Variants in GAS7 observed in about 807,000 individuals in gnomAD.
GAS7 encodes growth arrest-specific protein 7.
A neutral mutation model predicts 71.1 loss-of-function variants in GAS7; 28 were observed. That is an observed-to-expected ratio of 0.39 (90% CI 0.29 to 0.54). The LOEUF is 0.54. GAS7 is among the 20% of genes least tolerant of loss of function. The pLI is 0.62. For synonymous variants in GAS7, 258 were observed against 245.8 expected (o/e 1.05, Z -0.46); for missense variants, 436 against 627.8 (o/e 0.69, Z 3.27).
chr17:9,940,676 C>T (rs949198691), intron 7 of GAS7, among the ~76,000 whole-genome samples: 1 of 152,198 alleles, frequency 6.6e-6, no homozygotes, highest in African/African-American at 2.4e-5. Context: ...TCTCACACCC[C>T]CAATGCCTCT....
intron 1 of GAS7, among the ~76,000 whole-genome samples, chr17:10,069,540 A>C (rs2073318424): frequency 6.6e-6 from 1 of 152,236 alleles, no homozygotes; most frequent in African/African-American, 2.4e-5. Context: ...CTCATTTAAT[A>C]TTAATGTTTT....
chr17:10,049,085 T>C (rs2073024646), intron 1 of GAS7, among the ~76,000 whole-genome samples: 1 of 152,206 alleles, frequency 6.6e-6, no homozygotes, highest in Non-Finnish European at 1.5e-5. Context: ...TCCAGGCGCA[T>C]ACCAACAATG....
At chr17:9,992,191 G>A (rs1307281582) in intron 2 of GAS7, among the ~76,000 whole-genome samples, 1 of 152,190 alleles carries the variant, frequency 6.6e-6, no homozygotes, top group Non-Finnish European at 1.5e-5. Context: ...AAAAGCCCCA[G>A]GGAGTGGGTT....
Position 9,919,600 on chromosome 17 carries a change from A to G in GAS7, c.1218+26T>C. The stretch of plus-strand genomic sequence containing the variant: ...GCTCTGTGTCAGCCTCTGTACTGCC[A>G]TGTCCACACATCCCTGCCCGCTTAC... On this transcript the variant is annotated intron_variant, in intron 12 of 13. Transcript: ENST00000432992. The surrounding 1 kb of genome is among the most constrained non-coding windows in gnomAD (Gnocchi z 5.0). 6.5e-7 allele frequency: 1 copy of G among 1,545,600 alleles called. No individual in the cohort carries two copies. Among genetic ancestry groups the G allele is most frequent in the Non-Finnish European group, 8.9e-7 (1 of 1,117,390 alleles).
At chr17:10,115,677 T>A (rs1235274244) in intron 1 of GAS7, among the ~76,000 whole-genome samples, 1 of 152,146 alleles carries the variant, frequency 6.6e-6, no homozygotes, top group Non-Finnish European at 1.5e-5. Context: ...TTTCTTCCTT[T>A]CCTTTTTCCA....
intron 1 of GAS7, among the ~76,000 whole-genome samples, chr17:10,173,044 TG>T (rs1260980233): frequency 2.0e-5 from 3 of 152,216 alleles, no homozygotes; most frequent in Non-Finnish European, 2.9e-5. Context: ...AAATGAACCC[TG>T]AAGACATCAT....
chr17:10,064,101 G>A (rs760323474), intron 1 of GAS7, among the ~76,000 whole-genome samples: 2 of 152,158 alleles, frequency 1.3e-5, no homozygotes, highest in Non-Finnish European at 2.9e-5. Context: ...TTGTAAACAC[G>A]AAGTCCCAGC....
At chr17:9,925,209 G>C (rs952397770) in intron 11 of GAS7, among the ~76,000 whole-genome samples, 1 of 152,144 alleles carries the variant, frequency 6.6e-6, no homozygotes, top group Admixed American at 6.5e-5. Context: ...CGACCAGGGA[G>C]AGAGTAAGGA....
At chr17:10,064,010 T>C (rs746198085) in intron 1 of GAS7, among the ~76,000 whole-genome samples, 4 of 152,164 alleles carry the variant, frequency 2.6e-5, no homozygotes, top group Non-Finnish European at 5.9e-5. Flanking sequence ...CCCTTTTCCA[T>C]TTCCCAACAT....
intron 9 of GAS7, among the ~76,000 whole-genome samples, chr17:9,931,184 C>T (rs1375763107): frequency 6.6e-6 from 1 of 152,224 alleles, no homozygotes; most frequent in Non-Finnish European, 1.5e-5. Flanking sequence ...TGTGACTGAA[C>T]CCACCTGGCT....
chr17:10,182,304 C>T lies in GAS7; in HGVS notation c.183+15904G>A, dbSNP rs145414378. Among the ~76,000 whole-genome samples the T allele has an allele frequency of 3.6e-3, 551 of 152,134 alleles. 3 individuals are homozygous for T. Among genetic ancestry groups the T allele is most frequent in the African/African-American group, 0.013 (525 of 41,512 alleles). ...CCTCCCGAGTAGCTGGGATTACAGG[C>T]GCCCACCACCACGCTCGGCTAATTT... On this transcript the variant is annotated intron_variant, in intron 1 of 13. Coordinates refer to ENST00000432992, the MANE Select transcript of GAS7 (RefSeq NM_201433.2).
At chr17:10,153,136 G>A (rs988441650) in intron 1 of GAS7, among the ~76,000 whole-genome samples, 2 of 151,518 alleles carry the variant, frequency 1.3e-5, no homozygotes, top group African/African-American at 4.9e-5. Flanking sequence ...CTTGAACCCA[G>A]GAGGAGGAGG....
chr17:9,970,498 G>A (rs183329941), intron 3 of GAS7, among the ~76,000 whole-genome samples: 88 of 152,204 alleles, frequency 5.8e-4, no homozygotes, highest in African/African-American at 1.9e-3. Context: ...CAGGCGTGGT[G>A]GCAGGCACCT....
At chr17:10,144,411 T>C (rs1049414163) in intron 1 of GAS7, among the ~76,000 whole-genome samples, 1 of 152,232 alleles carries the variant, frequency 6.6e-6, no homozygotes, top group African/African-American at 2.4e-5. Flanking sequence ...GAGGCATTTT[T>C]GGGGCCCTTA....
At chr17:10,189,405 C>T (rs551976910) in intron 1 of GAS7, among the ~76,000 whole-genome samples, 12 of 152,166 alleles carry the variant, frequency 7.9e-5, no homozygotes, top group African/African-American at 2.4e-4. Flanking sequence ...CTTTCCAGAA[C>T]GCATCCGAAG....
rs541433560 is a variant in GAS7 at position 10,084,793 on chromosome 17, C to T, written c.184-64896G>A. Among the ~76,000 whole-genome samples the T allele has an allele frequency of 5.9e-5, 9 of 152,222 alleles. 1 individual carries two copies. In the South Asian group the frequency reaches 8.3e-4, roughly 14 times the overall value. ...CTTTCCCTATATCTTAATAGCAGCC[C>T]GCTCTTTTTTAAGGGGATTCTCTCT... On this transcript the variant is annotated intron_variant, in intron 1 of 13. Coordinates refer to ENST00000432992, the MANE Select transcript of GAS7 (RefSeq NM_201433.2).
At chr17:9,989,767 T>C (rs1022370292) in intron 2 of GAS7, among the ~76,000 whole-genome samples, 2 of 152,326 alleles carry the variant, frequency 1.3e-5, no homozygotes, top group Admixed American at 6.5e-5. Flanking sequence ...ATGTATTATG[T>C]ATCTATTGTT....
At chr17:10,148,649 C>G (rs1038468283) in intron 1 of GAS7, among the ~76,000 whole-genome samples, 3 of 149,758 alleles carry the variant, frequency 2.0e-5, no homozygotes, top group African/African-American at 7.4e-5. Context: ...CGGTGGCTCA[C>G]GCCTGTAATC....
intron 1 of GAS7, among the ~76,000 whole-genome samples, chr17:10,042,582 G>A (rs936427608): frequency 2.0e-5 from 3 of 152,044 alleles, no homozygotes; most frequent in Non-Finnish European, 2.9e-5. Flanking sequence ...AAGCTAAGTC[G>A]CAAACATGGG....
Sources: gnomAD v4.1 joint callset for allele counts (sites outside exome capture counted in the v4.1 genomes callset) on GRCh38, gnomAD v4.1.1 for gene constraint, Gnocchi (gnomAD v3.1) non-coding constraint, MANE v1.5 for transcripts, NCBI Gene and HGNC (gene_info 2026-07-23, HGNC 2026-07-21) for gene names.